Variants in MCF2L2 observed in about 807,000 individuals in gnomAD.
MCF2L2 encodes the protein MCF.2 cell line derived transforming sequence-like 2.
Under a neutral mutation model 150.2 loss-of-function variants are expected in MCF2L2, and 102 were observed. That is an observed-to-expected ratio of 0.68 (90% CI 0.58 to 0.80). The LOEUF (loss-of-function observed/expected upper bound fraction) is 0.80, where lower values mean the gene tolerates loss of function less well. MCF2L2 is among the 30% of genes least tolerant of loss of function. MCF2L2 has a pLI of 0.00. For missense variants in MCF2L2, 1,256 were observed against 1,372.8 expected, an observed-to-expected ratio of 0.91 and a Z score of 1.34; for synonymous variants, 465 against 491.3, an observed-to-expected ratio of 0.95 and a Z score of 0.71.
At position 183,295,418 on chromosome 3, in the gene MCF2L2, C is replaced by A. The variant is rs755179605; in HGVS notation, c.1557G>T (p.Arg519Ser). The change falls in exon 13 of 30, where the codon AGG (arginine) becomes AGT (serine). Residue 519 changes from arginine to serine, a missense_variant. Transcript: ENST00000328913. Reference protein sequence around the residue: ...LDDVQEIFHKRQVSLMKLAAK... With the variant: ...LDDVQEIFHKSQVSLMKLAAK... ...CTGCCAGTTTCATCAGACTCACTTG[C>A]CTCTTGTGAAATATTTCCTGGACAT... 3 of 1,613,954 alleles carry A rather than the reference C, an allele frequency of 1.9e-6. No individual in the cohort carries two copies. The highest frequency in any genetic ancestry group is 2.5e-6 in the Non-Finnish European group (3 of 1,179,998).
intron 1 of MCF2L2, among the ~76,000 whole-genome samples, chr3:183,412,204 T>C (rs775557725): frequency 6.6e-6 from 1 of 152,210 alleles, no homozygotes; most frequent in Non-Finnish European, 1.5e-5. Flanking sequence ...AGTAGACTAA[T>C]GGGAGCATGT....
intron 25 of MCF2L2, among the ~76,000 whole-genome samples, chr3:183,196,122 G>A (rs1451269932): frequency 3.3e-5 from 5 of 151,930 alleles, no homozygotes; most frequent in African/African-American, 1.2e-4. Context: ...CTCCCTCCTC[G>A]GCTTCTTGTG....
chr3:183,362,980 G>C (rs1231201009), intron 3 of MCF2L2, among the ~76,000 whole-genome samples: 3 of 151,768 alleles, frequency 2.0e-5, no homozygotes, highest in African/African-American at 7.3e-5. Flanking sequence ...TTTAAAAATG[G>C]GCAAAAGACC....
intron 15 of MCF2L2, chr3:183,265,507 G>T (rs1576994231): frequency 6.6e-6 from 1 of 152,324 alleles, no homozygotes. Flanking sequence ...AACCAGAAGA[G>T]TGAGCGCCAG....
At chr3:183,404,724 A>G (rs1364096670) in intron 1 of MCF2L2, among the ~76,000 whole-genome samples, 2 of 152,082 alleles carry the variant, frequency 1.3e-5, no homozygotes, top group African/African-American at 4.8e-5. Flanking sequence ...TTAGCCGGGC[A>G]TGGTGGTGGG....
intron 3 of MCF2L2, among the ~76,000 whole-genome samples, chr3:183,364,312 C>G (rs140220565): frequency 2.0e-5 from 3 of 151,776 alleles, no homozygotes; most frequent in African/African-American, 4.8e-5. Context: ...GTCAGGAGAT[C>G]GAGACCATCC....
chr3:183,270,803 T>G lies in MCF2L2; in HGVS notation c.1862+6069A>C. On this transcript the variant is annotated intron_variant, in intron 15 of 29. Transcript: ENST00000328913. The surrounding 1 kb of genome is among the most constrained non-coding windows in gnomAD (Gnocchi z 4.5). ...AAGATCTCCAGGACCTTTGGAAGAA[T>G]GCTACAGATCCTAAAGTAAAAACCA... 1.2e-6 allele frequency: 2 copies of G among 1,613,976 alleles called. No individual in the cohort carries two copies. The highest frequency in any genetic ancestry group is 4.5e-5 in the East Asian group (2 of 44,904).
intron 25 of MCF2L2, 86 bp from the exon 26 acceptor site, chr3:183,195,341 T>C (rs1462817570): frequency 1.2e-6 from 1 of 865,616 alleles, no homozygotes; most frequent in Non-Finnish European, 1.9e-6. Flanking sequence ...AATACACATA[T>C]ATGCATAAAG....
chr3:183,247,545 T>C (rs1724314535), intron 15 of MCF2L2, among the ~76,000 whole-genome samples: 1 of 152,168 alleles, frequency 6.6e-6, no homozygotes, highest in Non-Finnish European at 1.5e-5. Context: ...AACAGGAGTA[T>C]CCAAGTAACT....
At chr3:183,391,629 G>A (rs962545498) in intron 1 of MCF2L2, among the ~76,000 whole-genome samples, 1 of 152,194 alleles carries the variant, frequency 6.6e-6, no homozygotes, top group African/African-American at 2.4e-5. Flanking sequence ...GGGGGTAGAT[G>A]AAACATGCTG....
chr3:183,383,963 C>T (rs1440919256), intron 2 of MCF2L2, among the ~76,000 whole-genome samples: 1 of 152,176 alleles, frequency 6.6e-6, no homozygotes, highest in South Asian at 2.1e-4. Context: ...AAGCACTATG[C>T]TCCTTCCATG....
chr3:183,278,225 GT>G (rs920896815), intron 14 of MCF2L2, among the ~76,000 whole-genome samples: 12 of 141,506 alleles, frequency 8.5e-5, no homozygotes, highest in African/African-American at 3.6e-4. Flanking sequence ...TTATTATATT[GT>G]TTATTAAACA....
At chr3:183,307,142 A>C (rs1729136541) in intron 10 of MCF2L2, among the ~76,000 whole-genome samples, 1 of 152,204 alleles carries the variant, frequency 6.6e-6, no homozygotes, top group South Asian at 2.1e-4. Flanking sequence ...CACTGTGTGG[A>C]ATAAGGAAGC....
chr3:183,354,692 G>T (rs777258683), intron 3 of MCF2L2, among the ~76,000 whole-genome samples: 1 of 152,160 alleles, frequency 6.6e-6, no homozygotes, highest in Non-Finnish European at 1.5e-5. Context: ...ATTGATTGTT[G>T]TTTGCCTGTA....
chr3:183,303,725 G>A (rs936493169), intron 10 of MCF2L2, among the ~76,000 whole-genome samples: 10 of 152,048 alleles, frequency 6.6e-5, no homozygotes, highest in African/African-American at 2.4e-4. Flanking sequence ...CTTTTCTTCA[G>A]GCTCTCCTTC....
At chr3:183,342,529 G>C (rs1310744580) in intron 3 of MCF2L2, among the ~76,000 whole-genome samples, 1 of 151,958 alleles carries the variant, frequency 6.6e-6, no homozygotes, top group African/African-American at 2.4e-5. Flanking sequence ...TTGAGGGGTA[G>C]TTACTTAACC....
chr3:183,263,487 C>T (rs1725809300), intron 15 of MCF2L2, among the ~76,000 whole-genome samples: 1 of 152,100 alleles, frequency 6.6e-6, no homozygotes, highest in African/African-American at 2.4e-5. Flanking sequence ...TTTGTTAACC[C>T]CATCTTAATT....
intron 1 of MCF2L2, among the ~76,000 whole-genome samples, chr3:183,393,863 G>A (rs1367631815): frequency 6.6e-6 from 1 of 152,208 alleles, no homozygotes; most frequent in Non-Finnish European, 1.5e-5. Flanking sequence ...ACAACAGAGG[G>A]CAGGAAACAG....
intron 1 of MCF2L2, among the ~76,000 whole-genome samples, chr3:183,412,700 C>T (rs926434871): frequency 4.6e-5 from 7 of 152,060 alleles, no homozygotes; most frequent in African/African-American, 1.7e-4. Flanking sequence ...ATCTGGATGC[C>T]TTTTATTTTT....
Sources: gnomAD v4.1 joint callset for allele counts (sites outside exome capture counted in the v4.1 genomes callset) on GRCh38, gnomAD v4.1.1 for gene constraint, Gnocchi (gnomAD v3.1) non-coding constraint, MANE v1.5 for transcripts, NCBI Gene and HGNC (gene_info 2026-07-23, HGNC 2026-07-21) for gene names.